Variants in BTBD9 observed in about 807,000 individuals in gnomAD.
BTBD9 encodes BTB domain containing 9.
Under a neutral mutation model 64.3 loss-of-function variants are expected in BTBD9, and 49 were observed. The ratio of observed to expected loss-of-function variants is 0.76; its 90% CI spans 0.61 to 0.97. The LOEUF (loss-of-function observed/expected upper bound fraction) is 0.97, where lower values mean the gene tolerates loss of function less well. Among genes scored for constraint, BTBD9 ranks in the 50% least tolerant of loss-of-function variants. The pLI is 0.00. For synonymous variants in BTBD9, 260 were observed against 274.7 expected (o/e 0.95, Z 0.53); for missense variants, 598 against 762.1 (o/e 0.78, Z 2.53).
At chr6:38,229,008 C>T (rs1298126622) in intron 9 of BTBD9, among the ~76,000 whole-genome samples, 2 of 152,024 alleles carry the variant, frequency 1.3e-5, no homozygotes, top group Non-Finnish European at 2.9e-5. Context: ...ACCAGCCTGG[C>T]CAACATAGTG....
chr6:38,476,302 C>T (rs1001994356), intron 6 of BTBD9, among the ~76,000 whole-genome samples: 3 of 152,216 alleles, frequency 2.0e-5, no homozygotes, highest in African/African-American at 7.2e-5. Flanking sequence ...TCCCTTCTCA[C>T]ATCCTTGGAA....
intron 6 of BTBD9, among the ~76,000 whole-genome samples, chr6:38,502,958 T>C (rs1772280847): frequency 6.6e-6 from 1 of 152,186 alleles, no homozygotes; most frequent in South Asian, 2.1e-4. Flanking sequence ...TGATAAGTGA[T>C]ATAAAAGTAG....
intron 6 of BTBD9, among the ~76,000 whole-genome samples, chr6:38,422,222 C>T (rs1767933289): frequency 6.6e-6 from 1 of 152,138 alleles, no homozygotes; most frequent in African/African-American, 2.4e-5. Flanking sequence ...AACACCCTTT[C>T]TGTGATAGAA....
At chr6:38,620,869 T>C (rs1033211720) in intron 1 of BTBD9, among the ~76,000 whole-genome samples, 4 of 152,072 alleles carry the variant, frequency 2.6e-5, no homozygotes, top group Non-Finnish European at 4.4e-5. Context: ...AGAGGGCAAA[T>C]AGTCATCTAG....
At chr6:38,303,817 A>T (rs1368871656) in intron 7 of BTBD9, among the ~76,000 whole-genome samples, 1 of 139,422 alleles carries the variant, frequency 7.2e-6, no homozygotes, top group African/African-American at 2.6e-5. Flanking sequence ...TAAGTTGCTA[A>T]TATCTAGCAA....
At chr6:38,579,877 T>A (rs573089048) in intron 5 of BTBD9, among the ~76,000 whole-genome samples, 1 of 152,296 alleles carries the variant, frequency 6.6e-6, no homozygotes, top group African/African-American at 2.4e-5. Context: ...CTGTTTTGTG[T>A]GTGTATGTGT....
intron 6 of BTBD9, among the ~76,000 whole-genome samples, chr6:38,425,753 A>G (rs771231390): frequency 7.1e-6 from 1 of 140,948 alleles, no homozygotes; most frequent in African/African-American, 2.6e-5. Flanking sequence ...ACCAATAACT[A>G]AAAAAAAAAA....
intron 7 of BTBD9, among the ~76,000 whole-genome samples, chr6:38,330,942 A>C (rs1393089312): frequency 3.3e-5 from 5 of 152,174 alleles, no homozygotes; most frequent in Non-Finnish European, 7.4e-5. Context: ...AAAACAACAA[A>C]TCACTGACAA....
intron 6 of BTBD9, among the ~76,000 whole-genome samples, chr6:38,380,287 G>A (rs1765876382): frequency 6.6e-6 from 1 of 152,020 alleles, no homozygotes; most frequent in African/African-American, 2.4e-5. Flanking sequence ...CTTACTAAAG[G>A]AAATTCTGAA....
chr6:38,224,124 G>A (rs1582076405), intron 9 of BTBD9, among the ~76,000 whole-genome samples: 1 of 151,970 alleles, frequency 6.6e-6, no homozygotes, highest in Non-Finnish European at 1.5e-5. Context: ...GAGGTGGGAG[G>A]ATCACTTGAG....
intron 7 of BTBD9, among the ~76,000 whole-genome samples, chr6:38,340,548 C>T (rs1364044629): frequency 2.0e-5 from 3 of 152,168 alleles, no homozygotes; most frequent in Non-Finnish European, 4.4e-5. Flanking sequence ...AATGTATGTA[C>T]TTACCTCCCC....
chr6:38,437,415 C>T (rs57014271), intron 6 of BTBD9, among the ~76,000 whole-genome samples: 2,718 of 152,218 alleles, frequency 0.018, 72 homozygotes, highest in African/African-American at 0.062. Context: ...AAATATAGGA[C>T]GATGCAAATA....
intron 6 of BTBD9, among the ~76,000 whole-genome samples, chr6:38,425,329 C>A (rs1228626015): frequency 6.6e-6 from 1 of 151,258 alleles, no homozygotes; most frequent in Non-Finnish European, 1.5e-5. Context: ...TGGTCTCAAA[C>A]TCCTGACCTC....
chr6:38,537,491 C>A (rs1245200833), intron 6 of BTBD9, among the ~76,000 whole-genome samples: 1 of 152,214 alleles, frequency 6.6e-6, no homozygotes, highest in Non-Finnish European at 1.5e-5. Flanking sequence ...TCAATTTCTG[C>A]AGATTTTTCA....
At chr6:38,598,831 C>T (rs541159735) in intron 1 of BTBD9, among the ~76,000 whole-genome samples, 1 of 152,150 alleles carries the variant, frequency 6.6e-6, no homozygotes, top group African/African-American at 2.4e-5. Flanking sequence ...GCAAGAGAAT[C>T]GTTTGAACCC....
At chr6:38,268,526 G>C (rs16890522) in intron 8 of BTBD9, among the ~76,000 whole-genome samples, 4 of 152,164 alleles carry the variant, frequency 2.6e-5, no homozygotes, top group Non-Finnish European at 5.9e-5. Context: ...AGGGATGAAC[G>C]ACCGGCAAAA....
Position 38,250,486 on chromosome 6 carries a change from A to T in BTBD9, c.1562+5923T>A, listed in dbSNP as rs1247866668. 3.9e-5 allele frequency among the ~76,000 whole-genome samples: 6 copies of T among 152,246 alleles called. 1 individual carries two copies. Among genetic ancestry groups the T allele is most frequent in the Non-Finnish European group, 7.3e-5 (5 of 68,050 alleles). ...AACAAGTTTACTGACATATTTCCCT[A>T]ACTCTAGATCCAACCAATTACTAGA... On this transcript the variant is annotated intron_variant, in intron 9 of 10. Coordinates refer to ENST00000481247, the MANE Select transcript of BTBD9 (RefSeq NM_001099272.2).
chr6:38,323,565 G>A (rs1045225985), intron 7 of BTBD9, among the ~76,000 whole-genome samples: 3 of 152,188 alleles, frequency 2.0e-5, no homozygotes, highest in Non-Finnish European at 4.4e-5. Context: ...CAAAAATTTA[G>A]TAAAACAAAT....
At chr6:38,260,794 G>T (rs1732857262) in intron 8 of BTBD9, among the ~76,000 whole-genome samples, 1 of 152,086 alleles carries the variant, frequency 6.6e-6, no homozygotes, top group Non-Finnish European at 1.5e-5. Context: ...GGTCTATTAT[G>T]AATATCTTTT....
Sources: gnomAD v4.1 joint callset for allele counts (sites outside exome capture counted in the v4.1 genomes callset) on GRCh38, gnomAD v4.1.1 for gene constraint, MANE v1.5 for transcripts, NCBI Gene and HGNC (gene_info 2026-07-23, HGNC 2026-07-21) for gene names.